The following SHTN1 variants were observed in gnomAD, a reference collection of about 807,000 sequenced individuals.
The protein encoded by SHTN1 is shootin 1.
A neutral mutation model predicts 83.1 loss-of-function variants in SHTN1; 42 were observed. The ratio of observed to expected loss-of-function variants is 0.51; its 90% confidence interval spans 0.39 to 0.65. The LOEUF (loss-of-function observed/expected upper bound fraction) is 0.65, where lower values mean the gene tolerates loss of function less well. Ranked by LOEUF, SHTN1 falls within the 30% of genes least tolerant of loss-of-function variation. The probability of loss-of-function intolerance (pLI) is 0.00; values close to 1 mark genes in which losing one functional copy is unlikely to be tolerated. For synonymous variants in SHTN1, 224 were observed against 247.7 expected (o/e 0.90, Z 0.90); for missense variants, 622 against 737.8 (o/e 0.84, Z 1.82).
At position 117,081,095 on chromosome 10, in the gene SHTN1, G is replaced by A. The variant is rs538605380; in HGVS notation, c.-188-32585C>T. 2.0e-5 allele frequency among the ~76,000 whole-genome samples: 3 copies of A among 150,926 alleles called. No homozygotes were observed. The South Asian group carries it at 6.3e-4, about 32-fold the overall frequency. ...TGTTGAATAGGAGTGGTGAGAGAGG[G>A]CATCCCTGTCTTGTGCCAGTTTTCA... On this transcript the variant is annotated intron_variant, in intron 1 of 17. Transcript: ENST00000392901.
intron 1 of SHTN1, among the ~76,000 whole-genome samples, chr10:117,112,462 A>C (rs1853781699): frequency 6.6e-6 from 1 of 152,250 alleles, no homozygotes; most frequent in African/African-American, 2.4e-5. Context: ...AAAGCATGAT[A>C]CTGGAATGTT....
intron 2 of SHTN1, among the ~76,000 whole-genome samples, chr10:117,037,109 G>A (rs1286412890): frequency 1.3e-5 from 2 of 152,138 alleles, no homozygotes; most frequent in East Asian, 3.9e-4. Flanking sequence ...TTTCCTATAT[G>A]CCAGCAATGA....
At chr10:117,086,170 G>A (rs1186060499) in intron 1 of SHTN1, among the ~76,000 whole-genome samples, 1 of 152,200 alleles carries the variant, frequency 6.6e-6, no homozygotes, top group East Asian at 1.9e-4. Context: ...TGCCCGCCTT[G>A]GCCTCCCAAA....
At chr10:116,974,685 A>C (rs1850729408) in intron 2 of SHTN1, among the ~76,000 whole-genome samples, 1 of 152,160 alleles carries the variant, frequency 6.6e-6, no homozygotes, top group Non-Finnish European at 1.5e-5. Context: ...CATAATACTA[A>C]ACATAAATAC....
chr10:116,914,397 G>A (rs12781546), intron 13 of SHTN1, among the ~76,000 whole-genome samples: 42,671 of 151,786 alleles, frequency 0.28, 7,311 homozygotes, highest in Middle Eastern at 0.44. Flanking sequence ...GCTTGAACAC[G>A]GGAGGCAGAG....
rs1847075424 is a variant in SHTN1 at position 116,883,290 on chromosome 10, A to C, written c.*3054T>G. 1 of 152,154 alleles carries C rather than the reference A, an allele frequency of 6.6e-6. No homozygotes were observed. The highest frequency in any genetic ancestry group is 2.4e-5 in the African/African-American group (1 of 41,448). 9.4% of individuals were successfully genotyped at this position (152,154 alleles called of 1,614,324 possible). ...TGTGTTATATAACATTTAATATGAA[A>C]TATATTTATATAACTGTATATATAA... On this transcript the variant is annotated 3_prime_UTR_variant, in exon 17 of 17. Transcript: ENST00000355371.
intron 1 of SHTN1, among the ~76,000 whole-genome samples, chr10:117,105,207 TGAAG>T (rs529298987): frequency 9.5e-4 from 145 of 152,320 alleles, no homozygotes; most frequent in Middle Eastern, 3.4e-3. Flanking sequence ...GCCAGCTCTC[TGAAG>T]GAAGAGCCTG....
chr10:116,911,768 A>G, intron 14 of SHTN1, 22 bp downstream of exon 14: 1 of 1,602,354 alleles, frequency 6.2e-7, no homozygotes, highest in Non-Finnish European at 8.5e-7. Context: ...TAGCTAAACA[A>G]TAAACTGAAA....
Position 117,005,185 on chromosome 10 carries a change from C to G in SHTN1, c.-106G>C, listed in dbSNP as rs1474398308. On this transcript the variant is annotated 5_prime_UTR_variant, in exon 1 of 17. Transcript: ENST00000355371. ...TGCCGGTGGCTTGCGGCTCCACTAC[C>G]CGGAAGTTGGATCCGCTCCCGCTCC... 2.0e-6 allele frequency: 3 copies of G among 1,537,102 alleles called. No individual in the cohort carries two copies. The highest frequency in any genetic ancestry group is 2.7e-5 in the African/African-American group (2 of 72,784).
chr10:117,021,642 A>T (rs1002354686), intron 2 of SHTN1, among the ~76,000 whole-genome samples: 1 of 152,226 alleles, frequency 6.6e-6, no homozygotes, highest in African/African-American at 2.4e-5. Context: ...CATGTACCTT[A>T]TGACATAGCA....
At chr10:116,980,583 G>GAA (rs200485673) in intron 1 of SHTN1, among the ~76,000 whole-genome samples, 2 of 142,604 alleles carry the variant, frequency 1.4e-5, no homozygotes, top group African/African-American at 5.1e-5. Context: ...TTTTAAGAAA[G>GAA]AAAAAAAAAC....
In SHTN1 at chr10:116,901,795, T is replaced by A. The variant is rs1230023775; in HGVS notation, c.1643A>T (p.Glu548Val). The change falls in exon 16 of 17, where the codon GAA becomes GTA. Residue 548 changes from glutamate to valine, a missense_variant. Physicochemically the swap from Glu to Val is moderately radical, Grantham distance 121. This residue lies in a region of SHTN1 where 231 missense variants were observed against 251.6 expected (regional missense o/e 0.92). Transcript: ENST00000355371. Reference protein sequence around the residue: ...PEPGEGPRKLEGCTSSKVTFQ... With the variant: ...PEPGEGPRKLVGCTSSKVTFQ... ...CGTAACCTTGGAACTTGTGCATCCT[T>A]CCAATTTACGGGGCCCTTCACCTGG... is the stretch of plus-strand genomic sequence containing the variant. 6.2e-7 allele frequency: 1 copy of A among 1,602,612 alleles called. No individual in the cohort carries two copies. The highest frequency in any genetic ancestry group is 1.1e-5 in the South Asian group (1 of 89,102).
At chr10:117,098,791 C>T (rs1233529616) in intron 1 of SHTN1, among the ~76,000 whole-genome samples, 2 of 152,064 alleles carry the variant, frequency 1.3e-5, no homozygotes, top group African/African-American at 2.4e-5. Context: ...TTCCCCCAAA[C>T]GCTTCCTCCT....
chr10:116,958,874 T>C (rs887945620), intron 4 of SHTN1, among the ~76,000 whole-genome samples: 2 of 152,170 alleles, frequency 1.3e-5, no homozygotes, highest in African/African-American at 4.8e-5. Context: ...ACAAAACCTG[T>C]ATATACTGTC....
intron 1 of SHTN1, among the ~76,000 whole-genome samples, chr10:117,004,681 C>T (rs1013290972): frequency 6.6e-6 from 1 of 152,094 alleles, no homozygotes; most frequent in African/African-American, 2.4e-5. Context: ...CCTGCCCCAC[C>T]CGCTTCTCCG....
chr10:117,093,286 C>A (rs1352993892), intron 1 of SHTN1, among the ~76,000 whole-genome samples: 1 of 152,128 alleles, frequency 6.6e-6, no homozygotes, highest in Non-Finnish European at 1.5e-5. Context: ...TGGTAGCCAC[C>A]ATTTTACAGC....
intron 1 of SHTN1, among the ~76,000 whole-genome samples, chr10:117,106,593 G>C (rs745337252): frequency 1.3e-5 from 2 of 152,212 alleles, no homozygotes; most frequent in African/African-American, 2.4e-5. Context: ...TGGGATCAAT[G>C]ACCAGGGAAA....
chr10:116,968,595 A>G, intron 3 of SHTN1, 57 bp downstream of exon 3: 1 of 1,283,392 alleles, frequency 7.8e-7, no homozygotes, highest in South Asian at 1.2e-5. Context: ...AAGTCTACTC[A>G]CATAATCCCC....
intron 1 of SHTN1, among the ~76,000 whole-genome samples, chr10:117,076,675 G>A (rs1853160011): frequency 6.6e-6 from 1 of 152,154 alleles, no homozygotes; most frequent in Non-Finnish European, 1.5e-5. Flanking sequence ...AAGTTATTTT[G>A]AATCTCTGGC....
Sources: gnomAD v4.1 joint callset for allele counts (sites outside exome capture counted in the v4.1 genomes callset) on GRCh38, gnomAD v4.1.1 for gene constraint, gnomAD v4.1.1 regional missense constraint, MANE v1.5 for transcripts, NCBI Gene and HGNC (gene_info 2026-07-23, HGNC 2026-07-21) for gene names.